The following THNSL1 variants were observed in gnomAD, a reference collection of about 807,000 sequenced individuals.
THNSL1 encodes threonine synthase-like 1.
A neutral mutation model predicts 50.4 loss-of-function variants in THNSL1; 48 were observed. The ratio of observed to expected loss-of-function variants is 0.95; its 90% confidence interval spans 0.76 to 1.21. The LOEUF (loss-of-function observed/expected upper bound fraction) is 1.21, where lower values mean the gene tolerates loss of function less well. Ranked by LOEUF, THNSL1 falls within the 50% of genes most tolerant of loss-of-function variation. The pLI is 0.00. For synonymous variants in THNSL1, 309 were observed against 306.1 expected (o/e 1.01, Z -0.10); for missense variants, 896 against 871.7 (o/e 1.03, Z -0.35).
At chr10:24,961,740 G>A in the THNSL1 span, among the ~76,000 whole-genome samples, 2 of 152,148 alleles carry the variant, frequency 1.3e-5, no homozygotes, top group East Asian at 3.8e-4. Context: ...AAACAATGTG[G>A]TTTTATCATT....
At chr10:25,017,068 G>A (rs188669257) in intron 1 of THNSL1, among the ~76,000 whole-genome samples, 1 of 152,138 alleles carries the variant, frequency 6.6e-6, no homozygotes. Context: ...CCTCCGGGTC[G>A]GCTCTGCGCC....
At chr10:25,016,145 G>A (rs567955649), upstream of THNSL1, 2,055 of 1,234,454 alleles carry the variant, frequency 1.7e-3, 3 homozygotes, top group Non-Finnish European at 1.9e-3. Flanking sequence ...GGATTGCTAA[G>A]CGTCGTTGAC....
the THNSL1 span, among the ~76,000 whole-genome samples, chr10:24,977,020 A>G: frequency 6.6e-6 from 1 of 152,230 alleles, no homozygotes; most frequent in Non-Finnish European, 1.5e-5. Context: ...CATCCAGAAT[A>G]AAAACATAGG....
At chr10:24,956,180 G>A in the THNSL1 span, among the ~76,000 whole-genome samples, 1 of 151,660 alleles carries the variant, frequency 6.6e-6, no homozygotes, top group African/African-American at 2.4e-5. Flanking sequence ...ACACACGCAG[G>A]TTTGTTTGGG....
the THNSL1 span, chr10:24,952,601 G>C: frequency 1.3e-6 from 2 of 1,485,768 alleles, no homozygotes; most frequent in Non-Finnish European, 9.1e-7. This position sits in a 1 kb window ranked among gnomAD's most constrained non-coding sequence, Gnocchi z 5.1. Flanking sequence ...CGCGGGAAGG[G>C]AAGACGGCGC....
intron 2 of THNSL1, 114 bp from the exon 3 acceptor site, chr10:25,023,062 G>GT: frequency 1.4e-6 from 1 of 694,072 alleles, no homozygotes; most frequent in Non-Finnish European, 2.3e-6. Context: ...TTTTTAAACA[G>GT]TTTATGTACC....
At chr10:25,019,823 C>T (rs1016860092) in intron 1 of THNSL1, among the ~76,000 whole-genome samples, 21 of 152,176 alleles carry the variant, frequency 1.4e-4, no homozygotes, top group African/African-American at 5.1e-4. Flanking sequence ...TCCCTCTATT[C>T]AACAGAACCA....
At chr10:24,995,770 G>A in the THNSL1 span, 1 of 1,613,928 alleles carries the variant, frequency 6.2e-7, no homozygotes, top group Non-Finnish European at 8.5e-7. Flanking sequence ...AGCTGCATTT[G>A]TATTTATAAA....
At chr10:24,986,205 C>G in the THNSL1 span, among the ~76,000 whole-genome samples, 2 of 152,194 alleles carry the variant, frequency 1.3e-5, no homozygotes, top group Admixed American at 1.3e-4. Context: ...ATAGTAAGCT[C>G]TTGTACAAAT....
chr10:25,012,949 A>C (rs574187411), upstream of THNSL1, among the ~76,000 whole-genome samples: 1 of 152,294 alleles, frequency 6.6e-6, no homozygotes, highest in South Asian at 2.1e-4. Flanking sequence ...CATAATTCCC[A>C]TATGTCATGG....
chr10:25,015,929 G>A (rs1850559042), upstream of THNSL1: 5 of 1,607,014 alleles, frequency 3.1e-6, no homozygotes, highest in Non-Finnish European at 4.2e-6. Context: ...AGAGCACGTT[G>A]GATCCATGGC....
the THNSL1 span, chr10:24,990,742 A>C: frequency 4.5e-6 from 4 of 888,696 alleles, no homozygotes; most frequent in Non-Finnish European, 1.6e-6. Flanking sequence ...GTAAATTGAC[A>C]AAATTCAGTG....
upstream of THNSL1, among the ~76,000 whole-genome samples, chr10:25,016,379 C>G (rs1335957936): frequency 6.6e-6 from 1 of 152,208 alleles, no homozygotes; most frequent in African/African-American, 2.4e-5. Flanking sequence ...AAAGAAAAAT[C>G]CTAGTAGAGA....
chr10:24,980,664 T>C, the THNSL1 span, among the ~76,000 whole-genome samples: 1 of 151,964 alleles, frequency 6.6e-6, no homozygotes, highest in Non-Finnish European at 1.5e-5. Context: ...ATAAAATAAA[T>C]TTTTTTTCTC....
the THNSL1 span, among the ~76,000 whole-genome samples, chr10:25,010,609 A>C: frequency 6.9e-6 from 1 of 145,672 alleles, no homozygotes. Flanking sequence ...CCCACCCCAC[A>C]ACAGTCCCCA....
At chr10:24,975,811 C>T in the THNSL1 span, among the ~76,000 whole-genome samples, 1 of 152,278 alleles carries the variant, frequency 6.6e-6, no homozygotes, top group Admixed American at 6.5e-5. Flanking sequence ...TGAAAACGAA[C>T]TAATACAGAT....
chr10:24,977,483 A>T, the THNSL1 span, among the ~76,000 whole-genome samples: 1 of 152,218 alleles, frequency 6.6e-6, no homozygotes, highest in Non-Finnish European at 1.5e-5. Context: ...TGCAATTTTC[A>T]AGCTCATTCA....
chr10:25,023,773 G>T lies in THNSL1; in HGVS notation c.550G>T (p.Asp184Tyr). 6.2e-7 allele frequency: 1 copy of T among 1,613,988 alleles called. No individual in the cohort carries two copies. Among genetic ancestry groups the T allele is most frequent in the Non-Finnish European group, 8.5e-7 (1 of 1,179,988 alleles). Residue 184 changes from aspartate (D) to tyrosine (Y), a missense_variant, in exon 3 of 3, where the codon GAC (aspartate) becomes TAC (tyrosine). Coordinates refer to ENST00000376356, the MANE Select transcript of THNSL1 (RefSeq NM_024838.5). Reference sequence around the variant, plus strand: ...TCAGAATTCTGGAACATCTATGAAAGACTTACTTAAATTTAGAAGACAGTA... The same window carrying T: ...TCAGAATTCTGGAACATCTATGAAATACTTACTTAAATTTAGAAGACAGTA... ...VGQNSGTSMK[D>Y]LLKFRRQYYK...
At chr10:24,990,580 A>T in the THNSL1 span, 2 of 1,612,490 alleles carry the variant, frequency 1.2e-6, no homozygotes, top group Non-Finnish European at 1.7e-6. Context: ...CGTTTCGCTT[A>T]CATATGTATT....
Sources: allele counts gnomAD v4.1 joint callset (sites outside exome capture counted in the v4.1 genomes callset), GRCh38; gene constraint gnomAD v4.1.1; non-coding constraint Gnocchi (gnomAD v3.1); transcripts MANE v1.5; gene names NCBI Gene and HGNC (gene_info 2026-07-23, HGNC 2026-07-21).